Variants in ZCCHC14 observed in about 807,000 individuals in gnomAD.
The protein encoded by ZCCHC14 is zinc finger CCHC-type containing 14.
In ZCCHC14, 16 loss-of-function variants were observed where a neutral mutation model predicts 85.0. The observed-to-expected ratio is 0.19, with a 90% CI of 0.13 to 0.29. The LOEUF (loss-of-function observed/expected upper bound fraction) is 0.29. ZCCHC14 is among the 10% of genes least tolerant of loss of function. The probability of loss-of-function intolerance (pLI) is 1.00; values close to 1 mark genes in which losing one functional copy is unlikely to be tolerated. For synonymous variants in ZCCHC14, 775 were observed against 630.7 expected (o/e 1.23, Z -3.43); for missense variants, 1,303 against 1,443.5 (o/e 0.90, Z 1.58).
intron 1 of ZCCHC14, among the ~76,000 whole-genome samples, chr16:87,484,748 C>T (rs147690508): frequency 1.1e-3 from 170 of 152,106 alleles, no homozygotes; most frequent in African/African-American, 3.8e-3. Flanking sequence ...GTGTTAAAGC[C>T]GGGGTTTTGT....
chr16:87,414,642 G>A, intron 9 of ZCCHC14, 101 bp from the exon 10 acceptor site: 1 of 1,462,020 alleles, frequency 6.8e-7, no homozygotes, highest in Non-Finnish European at 9.1e-7. Context: ...GGGCGGCTTT[G>A]ATACAGGGCG....
chr16:87,458,302 C>T (rs369586105), intron 2 of ZCCHC14, among the ~76,000 whole-genome samples: 4 of 152,072 alleles, frequency 2.6e-5, no homozygotes, highest in African/African-American at 7.2e-5. Context: ...CTTTCTACAG[C>T]GGAGGGACTC....
intron 2 of ZCCHC14, among the ~76,000 whole-genome samples, chr16:87,434,908 T>C (rs1909840104): frequency 6.7e-6 from 1 of 149,472 alleles, no homozygotes; most frequent in Non-Finnish European, 1.5e-5. Context: ...GGAGAATTGC[T>C]TGAACCTGGG....
intron 1 of ZCCHC14, among the ~76,000 whole-genome samples, chr16:87,489,221 G>C (rs1372405000): frequency 6.6e-6 from 1 of 152,112 alleles, no homozygotes; most frequent in Non-Finnish European, 1.5e-5. Context: ...AGGGATGTAG[G>C]GAAAACTAGA....
Position 87,409,096 on chromosome 16 carries a change from C to T in ZCCHC14, c.*1184G>A, listed in dbSNP as rs1403074479. The T allele has an allele frequency of 6.6e-6, 1 of 152,426 alleles. No homozygotes were observed. The highest frequency in any genetic ancestry group is 1.5e-5 in the Non-Finnish European group (1 of 68,036). 9.4% of individuals were successfully genotyped at this position (152,426 alleles called of 1,614,324 possible). On this transcript the variant is annotated 3_prime_UTR_variant, in exon 13 of 13. Transcript: ENST00000671377. ...CCAGACTTGCACAGATCTCGCAGCT[C>T]TCGGGTGTGTGGCCTCTTCCAGAGT... is the stretch of plus-strand genomic sequence containing the variant.
In ZCCHC14 at chr16:87,406,535, G is replaced by C. The variant is rs1567503963; in HGVS notation, c.*3745C>G. ...TCCTAAAAAGAAAATATGTCCAATA[G>C]AAGCTGTGAAGGTATCGAGTACACA... On this transcript the variant is annotated 3_prime_UTR_variant, in exon 13 of 13. Transcript: ENST00000671377. The C allele has an allele frequency of 1.3e-5, 2 of 152,678 alleles. No homozygotes were observed. The highest frequency in any genetic ancestry group is 3.9e-4 in the East Asian group (2 of 5,184). The allele number at this position is 152,678 out of a possible 1,614,324, so 9.5% of individuals were successfully genotyped here.
intron 1 of ZCCHC14, among the ~76,000 whole-genome samples, chr16:87,476,178 G>C (rs996407252): frequency 6.6e-6 from 1 of 152,120 alleles, no homozygotes; most frequent in Non-Finnish European, 1.5e-5. Flanking sequence ...AGAAAACTAA[G>C]AGCCTTTCTT....
intron 4 of ZCCHC14, among the ~76,000 whole-genome samples, chr16:87,423,590 A>G (rs1396683768): frequency 1.3e-5 from 2 of 152,086 alleles, no homozygotes; most frequent in Non-Finnish European, 2.9e-5. Context: ...CTCAGTCTCA[A>G]CAAGTGAAGG....
intron 1 of ZCCHC14, among the ~76,000 whole-genome samples, chr16:87,464,875 G>A (rs1365981840): frequency 6.6e-6 from 1 of 152,208 alleles, no homozygotes; most frequent in Non-Finnish European, 1.5e-5. Flanking sequence ...AGGCTCACCC[G>A]CAGGACTCGT....
intron 7 of ZCCHC14, among the ~76,000 whole-genome samples, chr16:87,418,368 C>T (rs565467299): frequency 4.6e-5 from 7 of 152,326 alleles, no homozygotes; most frequent in South Asian, 2.1e-4. Context: ...TGCCAGTCTA[C>T]GCCTCGAAAC....
chr16:87,444,394 G>C (rs892896422), intron 2 of ZCCHC14, among the ~76,000 whole-genome samples: 2 of 152,052 alleles, frequency 1.3e-5, no homozygotes, highest in African/African-American at 4.8e-5. Flanking sequence ...CGACATTAAT[G>C]GATTATAACT....
intron 2 of ZCCHC14, among the ~76,000 whole-genome samples, chr16:87,459,508 CT>C (rs1316461482): frequency 6.9e-6 from 1 of 144,264 alleles, no homozygotes; most frequent in Non-Finnish European, 1.5e-5. Flanking sequence ...CCAGGCCTGG[CT>C]AATTTTTTTT....
chr16:87,423,745 T>C (rs1376088849), intron 4 of ZCCHC14, 65 bp downstream of exon 4: 3 of 1,570,858 alleles, frequency 1.9e-6, no homozygotes, highest in South Asian at 1.1e-5. Flanking sequence ...AATTACTCCG[T>C]GGTATCATCA....
In ZCCHC14 at chr16:87,412,536, G is replaced by A. The variant is rs1220166888; in HGVS notation, c.2185C>T (p.Pro729Ser). The A allele has an allele frequency of 6.2e-7, 1 of 1,613,960 alleles. No homozygotes were observed. The highest frequency in any genetic ancestry group is 8.5e-7 in the Non-Finnish European group (1 of 1,180,040). ...GATGCATGCACGACTTTGGTCCGGG[G>A]ACCAAAGGAGACTGTGGGTGACATG... ...SSMSPTVSFG[P>S]RTKVVHASTL... The change falls in exon 12 of 13, where the codon CCC (proline) becomes TCC (serine). Residue 729 changes from proline (P) to serine (S), a missense_variant. By Grantham distance (74) the Pro-to-Ser change is moderately conservative (BLOSUM62 -1). This residue lies in a region of ZCCHC14 where 797 missense variants were observed against 730.8 expected (regional missense o/e 1.09). Transcript: ENST00000671377.
chr16:87,413,991 T>C (rs1908628612), intron 10 of ZCCHC14, among the ~76,000 whole-genome samples: 1 of 152,242 alleles, frequency 6.6e-6, no homozygotes, highest in African/African-American at 2.4e-5. Flanking sequence ...GAGACTATAA[T>C]AGTTAATGGA....
intron 9 of ZCCHC14, 53 bp from the exon 10 acceptor site, chr16:87,414,594 T>C: frequency 6.4e-7 from 1 of 1,562,112 alleles, no homozygotes; most frequent in Non-Finnish European, 8.7e-7. Flanking sequence ...TGGTGCTGCC[T>C]CACATGCGGC....
Position 87,492,306 on chromosome 16 carries a change from GGCCGCGGCCGGGGCGC to G in ZCCHC14, c.-84_-69del, listed in dbSNP as rs1031646914. 1 of 864,184 alleles carries G rather than the reference GGCCGCGGCCGGGGCGC, an allele frequency of 1.2e-6. No homozygotes were observed. Among genetic ancestry groups the G allele is most frequent in the Non-Finnish European group, 1.4e-6 (1 of 723,254 alleles). 53.5% of individuals were successfully genotyped at this position (864,184 alleles called of 1,614,324 possible). ...GCGGGGGCGGCCGGGGGGCGCCGGG[GGCCGCGGCCGGGGCGC>G]GCCGGGACCGGGGACGCGCGGGCCG... On this transcript the variant is annotated 5_prime_UTR_variant, in exon 1 of 13. Coordinates refer to ENST00000671377, the MANE Select transcript of ZCCHC14 (RefSeq NM_015144.3). The surrounding 1 kb of genome is among the most constrained non-coding windows in gnomAD (Gnocchi z 6.7).
intron 2 of ZCCHC14, among the ~76,000 whole-genome samples, chr16:87,445,233 A>G (rs1910379168): frequency 1.3e-5 from 2 of 151,904 alleles, no homozygotes; most frequent in South Asian, 4.2e-4. Flanking sequence ...CGCCCAGCTA[A>G]TTTTTGTATT....
At chr16:87,457,103 C>A (rs1231460395) in intron 2 of ZCCHC14, among the ~76,000 whole-genome samples, 1 of 152,154 alleles carries the variant, frequency 6.6e-6, no homozygotes, top group Non-Finnish European at 1.5e-5. Context: ...CCACGAGGGG[C>A]AGGGGGCTCA....
Sources: gnomAD v4.1 joint callset for allele counts (sites outside exome capture counted in the v4.1 genomes callset) on GRCh38, gnomAD v4.1.1 for gene constraint, gnomAD v4.1.1 regional missense constraint, Gnocchi (gnomAD v3.1) non-coding constraint, MANE v1.5 for transcripts, NCBI Gene and HGNC (gene_info 2026-07-23, HGNC 2026-07-21) for gene names.